The following LYPLA2 variants were observed in gnomAD, a reference collection of about 807,000 sequenced individuals.
LYPLA2 encodes the protein lysophospholipase 2.
A neutral mutation model predicts 30.3 loss-of-function variants in LYPLA2; 7 were observed. The observed-to-expected ratio is 0.23, with a 90% CI of 0.13 to 0.43. The LOEUF (loss-of-function observed/expected upper bound fraction) is 0.43. Ranked by LOEUF, LYPLA2 falls within the 20% of genes least tolerant of loss-of-function variation. The pLI is 1.00. For synonymous variants in LYPLA2, 112 were observed against 118.2 expected (o/e 0.95, Z 0.34); for missense variants, 206 against 307.9 (o/e 0.67, Z 2.48).
Position 23,795,280 on chromosome 1 carries a change from C to A in LYPLA2, c.*548C>A. Reference sequence around the variant, plus strand: ...AGGAGGTGGAGCCTTTTGAGGGGGGCCTTCCCTCAGCTGTTTCCCCACACT... The same window carrying A: ...AGGAGGTGGAGCCTTTTGAGGGGGGACTTCCCTCAGCTGTTTCCCCACACT... On this transcript the variant is annotated 3_prime_UTR_variant, in exon 10 of 10. Coordinates refer to ENST00000374514, the MANE Select transcript of LYPLA2 (RefSeq NM_007260.3). 1 of 245,044 alleles carries A rather than the reference C, an allele frequency of 4.1e-6. No individual in the cohort carries two copies. The highest frequency in any genetic ancestry group is 4.5e-5 in the South Asian group (1 of 22,064). 15.2% of individuals were successfully genotyped at this position (245,044 alleles called of 1,614,324 possible). A position where few individuals can be genotyped will look rare whatever the true frequency, so the allele number is the denominator to read the frequency against.
In LYPLA2 at chr1:23,793,094, C is replaced by G. The variant is rs1024883737; in HGVS notation, c.110+55C>G. ...GGAGGGGTCCTGGCCCAGCAGCGGACTGGAGAGGCCTTCTCTTCCTACCAC... is the reference window on the plus strand; with the variant it reads ...GGAGGGGTCCTGGCCCAGCAGCGGAGTGGAGAGGCCTTCTCTTCCTACCAC... On this transcript the variant is annotated intron_variant, in intron 3 of 9. Transcript: ENST00000374514. The surrounding 1 kb of genome is among the most constrained non-coding windows in gnomAD (Gnocchi z 6.0). The G allele has an allele frequency of 7.2e-5, 116 of 1,613,274 alleles. No individual in the cohort carries two copies. Among genetic ancestry groups the G allele is most frequent in the Admixed American group, 2.7e-4 (16 of 60,004 alleles).
At chr1:23,792,462 G>A (rs1268322539) in intron 1 of LYPLA2, 195 bp from the exon 2 acceptor site, 5 of 567,838 alleles carry the variant, frequency 8.8e-6, no homozygotes, top group Admixed American at 3.2e-5. Context: ...GGCCACTAGG[G>A]AGGCTGTCTC....
Position 23,795,009 on chromosome 1 carries a change from TG to T in LYPLA2, c.*279del. The T allele has an allele frequency of 1.5e-6, 1 of 654,150 alleles. No individual in the cohort carries two copies. The highest frequency in any genetic ancestry group is 2.8e-6 in the Non-Finnish European group (1 of 355,542). The allele number at this position is 654,150 out of a possible 1,614,324, so 40.5% of individuals were successfully genotyped here. A position where few individuals can be genotyped will look rare whatever the true frequency, so the allele number is the denominator to read the frequency against. ...CAGTATTGGAGGGGCTACAGGCAGC[TG>T]GAGAAAGGGGCCCAGCCGCTGACCC... On this transcript the variant is annotated 3_prime_UTR_variant, in exon 10 of 10. Coordinates refer to ENST00000374514, the MANE Select transcript of LYPLA2 (RefSeq NM_007260.3).
chr1:23,793,632 C>A lies in LYPLA2; in HGVS notation c.177-73C>A. 1 of 1,513,910 alleles carries A rather than the reference C, an allele frequency of 6.6e-7. No individual in the cohort carries two copies. The highest frequency in any genetic ancestry group is 9.2e-7 in the Non-Finnish European group (1 of 1,089,058). The allele number at this position is 1,513,910 out of a possible 1,614,324, so 93.8% of individuals were successfully genotyped here. A position where few individuals can be genotyped will look rare whatever the true frequency, so the allele number is the denominator to read the frequency against. ...AGGGGCCACCAGGGGCGGCGCGGCCCCACTCCGGGCTCTGAGCTCTGGCCT... is the reference window on the plus strand; with the variant it reads ...AGGGGCCACCAGGGGCGGCGCGGCCACACTCCGGGCTCTGAGCTCTGGCCT... On this transcript the variant is annotated intron_variant, in intron 4 of 9. Transcript: ENST00000374514. This position sits in a 1 kb window ranked among gnomAD's most constrained non-coding sequence, Gnocchi z 6.0.
At position 23,793,073 on chromosome 1, in the gene LYPLA2, G is replaced by A. The variant is rs551905424; in HGVS notation, c.110+34G>A. 2.5e-6 allele frequency: 4 copies of A among 1,613,590 alleles called. No individual in the cohort carries two copies. In the South Asian group the frequency reaches 4.4e-5, roughly 18 times the overall value. Reference sequence around the variant, plus strand: ...CTGAGGAGGGGTGCTCCTTAAGGAGGGGTCCTGGCCCAGCAGCGGACTGGA... The same window carrying A: ...CTGAGGAGGGGTGCTCCTTAAGGAGAGGTCCTGGCCCAGCAGCGGACTGGA... On this transcript the variant is annotated intron_variant, in intron 3 of 9. Transcript: ENST00000374514. The surrounding 1 kb of genome is among the most constrained non-coding windows in gnomAD (Gnocchi z 6.0).
At chr1:23,792,809 G>A (rs1482897963) in intron 2 of LYPLA2, 49 bp downstream of exon 2, 3 of 1,522,352 alleles carry the variant, frequency 2.0e-6, no homozygotes, top group South Asian at 2.2e-5. Context: ...AGCAGCTGGA[G>A]GACCGGCTGG....
chr1:23,793,630 C>T lies in LYPLA2; in HGVS notation c.177-75C>T. 6.7e-7 allele frequency: 1 copy of T among 1,497,246 alleles called. No homozygotes were observed. Among genetic ancestry groups the T allele is most frequent in the South Asian group, 1.1e-5 (1 of 88,732 alleles). 92.7% of individuals were successfully genotyped at this position (1,497,246 alleles called of 1,614,324 possible). Reference sequence around the variant, plus strand: ...GGAGGGGCCACCAGGGGCGGCGCGGCCCCACTCCGGGCTCTGAGCTCTGGC... The same window carrying T: ...GGAGGGGCCACCAGGGGCGGCGCGGTCCCACTCCGGGCTCTGAGCTCTGGC... On this transcript the variant is annotated intron_variant, in intron 4 of 9. Transcript: ENST00000374514. The surrounding 1 kb of genome is among the most constrained non-coding windows in gnomAD (Gnocchi z 6.0).
In LYPLA2 at chr1:23,794,254, A is replaced by G; in HGVS notation, c.400A>G (p.Thr134Ala). Residue 134 changes from threonine to alanine, a missense_variant, in exon 8 of 10, where the codon ACC (threonine) becomes GCC (alanine). Thr to Ala is a moderately conservative substitution (Grantham distance 58, BLOSUM62 0). Transcript: ENST00000374514. The surrounding 1 kb of genome is among the most constrained non-coding windows in gnomAD (Gnocchi z 5.9). The part of the protein sequence containing the change: ...GGALSLYTAL[T>A]CPHPLAGIVA... Reference sequence around the variant, plus strand: ...GGCCCTGTCCCTCTACACGGCCCTCACCTGCCCCCACCCTCTGGCTGGCAT... The same window carrying G: ...GGCCCTGTCCCTCTACACGGCCCTCGCCTGCCCCCACCCTCTGGCTGGCAT... 1 of 1,611,104 alleles carries G rather than the reference A, an allele frequency of 6.2e-7. No homozygotes were observed. The highest frequency in any genetic ancestry group is 8.5e-7 in the Non-Finnish European group (1 of 1,179,624).
rs753673005 is a variant in LYPLA2, at chr1:23,794,342, AC to A, written c.471+24del. 38 of 1,300,358 alleles carry A rather than the reference AC, an allele frequency of 2.9e-5. No homozygotes were observed. The highest frequency in any genetic ancestry group is 3.3e-5 in the Non-Finnish European group (30 of 907,750). 80.6% of individuals were successfully genotyped at this position (1,300,358 alleles called of 1,614,324 possible). On this transcript the variant is annotated intron_variant, in intron 8 of 9. Transcript: ENST00000374514. The surrounding 1 kb of genome is among the most constrained non-coding windows in gnomAD (Gnocchi z 5.9). ...TTCCCCCAGGTGAATGTCCCCACTG[AC>A]CCCCCCGCCCTTTGTGTCTGCATCC... is the stretch of plus-strand genomic sequence containing the variant.
In LYPLA2 at chr1:23,794,363, G is replaced by A. The variant is rs756277591; in HGVS notation, c.471+38G>A. On this transcript the variant is annotated intron_variant, in intron 8 of 9. Transcript: ENST00000374514. The surrounding 1 kb of genome is among the most constrained non-coding windows in gnomAD (Gnocchi z 5.9). ...ACTGACCCCCCCGCCCTTTGTGTCT[G>A]CATCCTCGTGGCTTGGGGACTGCTG... 1.6e-5 allele frequency: 26 copies of A among 1,592,672 alleles called. No homozygotes were observed. The Admixed American group carries it at 4.2e-4, about 26-fold the overall frequency.
chr1:23,791,340 G>T (rs536051010), intron 1 of LYPLA2, 90 bp downstream of exon 1: 22 of 152,088 alleles, frequency 1.4e-4, no homozygotes, highest in African/African-American at 5.3e-4. Flanking sequence ...AACCGTGATG[G>T]GGGGGATGGG....
In LYPLA2 at chr1:23,794,225, G is replaced by A. The variant is rs1392580480; in HGVS notation, c.371G>A (p.Gly124Asp). The change falls in exon 8 of 10, where the codon GGC becomes GAC. Residue 124 changes from glycine to aspartate, a missense_variant and splice_region_variant. Gly to Asp is a moderately conservative substitution (Grantham distance 94). Transcript: ENST00000374514. This position sits in a 1 kb window ranked among gnomAD's most constrained non-coding sequence, Gnocchi z 5.9. ...NRIVLGGFSQ[G>D]GALSLYTALT... is the part of the protein sequence containing the mutation. ...GACCCCTCTCTCTCCTCCCTCCAGG[G>A]CGGGGCCCTGTCCCTCTACACGGCC... 1 of 1,609,784 alleles carries A rather than the reference G, an allele frequency of 6.2e-7. No individual in the cohort carries two copies. The highest frequency in any genetic ancestry group is 8.5e-7 in the Non-Finnish European group (1 of 1,179,008).
Position 23,793,869 on chromosome 1 carries a change from G to C in LYPLA2, c.234G>C (p.Leu78=). 2.5e-6 allele frequency: 4 copies of C among 1,613,990 alleles called. No homozygotes were observed. Among genetic ancestry groups the C allele is most frequent in the Non-Finnish European group, 3.4e-6 (4 of 1,179,896 alleles). The change falls in exon 6 of 10, where the codon CTG becomes CTC. Residue 78 remains leucine (L), a synonymous_variant. Transcript: ENST00000374514. This position sits in a 1 kb window ranked among gnomAD's most constrained non-coding sequence, Gnocchi z 6.0. ...MKMVMPSWFD[L]MGLSPDAPED... is the part of the protein sequence containing the mutation. ...TGCCTCTACTCCCAAGGTTTGACCT[G>C]ATGGGGCTGAGTCCAGATGCCCCAG... is the stretch of plus-strand genomic sequence containing the variant.
chr1:23,794,286 G>A lies in LYPLA2; in HGVS notation c.432G>A (p.Ala144=), dbSNP rs144219690. 8 of 1,612,450 alleles carry A rather than the reference G, an allele frequency of 5.0e-6. No individual in the cohort carries two copies. Among genetic ancestry groups the A allele is most frequent in the African/African-American group, 4.0e-5 (3 of 74,872 alleles). The change falls in exon 8 of 10, where the codon GCG becomes GCA. Residue 144 remains alanine (A), a synonymous_variant. Coordinates refer to ENST00000374514, the MANE Select transcript of LYPLA2 (RefSeq NM_007260.3). The surrounding 1 kb of genome is among the most constrained non-coding windows in gnomAD (Gnocchi z 5.9). ...CCCACCCTCTGGCTGGCATCGTGGC[G>A]TTGAGCTGCTGGCTGCCTCTGCACC... ...TCPHPLAGIV[A]LSCWLPLHRA... is the part of the protein sequence containing the mutation.
At chr1:23,792,456 A>T in intron 1 of LYPLA2, 3 of 563,186 alleles carry the variant, frequency 5.3e-6, no homozygotes, top group Non-Finnish European at 6.3e-6. Flanking sequence ...GTTCTGGGCC[A>T]CTAGGGAGGC....
In LYPLA2 at chr1:23,794,495, C is replaced by A; in HGVS notation, c.540C>A (p.Pro180=). 6.2e-7 allele frequency: 1 copy of A among 1,614,070 alleles called. No homozygotes were observed. Among genetic ancestry groups the A allele is most frequent in the Non-Finnish European group, 8.5e-7 (1 of 1,180,000 alleles). Residue 180 remains proline, a synonymous_variant, in exon 9 of 10, where the codon CCC becomes CCA. Transcript: ENST00000374514. The surrounding 1 kb of genome is among the most constrained non-coding windows in gnomAD (Gnocchi z 5.9). ...ATGGGGAGCTGGACCCCATGGTGCC[C>A]GTACGGTTTGGGGCCCTGACGGCTG... is the stretch of plus-strand genomic sequence containing the variant. The part of the protein sequence containing the change: ...QCHGELDPMV[P]VRFGALTAEK...
chr1:23,792,975 C>T, intron 2 of LYPLA2, 33 bp from the exon 3 acceptor site: 1 of 1,603,084 alleles, frequency 6.2e-7, no homozygotes, highest in Non-Finnish European at 8.5e-7. Context: ...TAGGGGAAGC[C>T]TTCCTGTCTC....
chr1:23,794,357 G>A lies in LYPLA2; in HGVS notation c.471+32G>A. 1 of 1,593,142 alleles carries A rather than the reference G, an allele frequency of 6.3e-7. No homozygotes were observed. The highest frequency in any genetic ancestry group is 8.6e-7 in the Non-Finnish European group (1 of 1,162,082). On this transcript the variant is annotated intron_variant, in intron 8 of 9. Transcript: ENST00000374514. The surrounding 1 kb of genome is among the most constrained non-coding windows in gnomAD (Gnocchi z 5.9). ...GTCCCCACTGACCCCCCCGCCCTTT[G>A]TGTCTGCATCCTCGTGGCTTGGGGA...
At position 23,795,107 on chromosome 1, in the gene LYPLA2, GC is replaced by G; in HGVS notation, c.*382del. 9.3e-6 allele frequency: 4 copies of G among 431,092 alleles called. No homozygotes were observed. The highest frequency in any genetic ancestry group is 2.0e-5 in the South Asian group (1 of 49,360). The allele number at this position is 431,092 out of a possible 1,614,324, so 26.7% of individuals were successfully genotyped here. On this transcript the variant is annotated 3_prime_UTR_variant, in exon 10 of 10. Transcript: ENST00000374514. Reference sequence around the variant, plus strand: ...GTGACCTCAGGGTTTGGCCCATGGGGCCCCCCCAGGCCCCTGCCCCAACTGA... The same window carrying G: ...GTGACCTCAGGGTTTGGCCCATGGGGCCCCCCAGGCCCCTGCCCCAACTGA...
Sources: gnomAD v4.1 joint callset for allele counts on GRCh38, gnomAD v4.1.1 for gene constraint, Gnocchi (gnomAD v3.1) non-coding constraint, MANE v1.5 for transcripts, NCBI Gene and HGNC (gene_info 2026-07-23, HGNC 2026-07-21) for gene names.